GALNTL6: variants seen among roughly 807,000 people sequenced by gnomAD.
GALNTL6 encodes polypeptide N-acetylgalactosaminyltransferase like 6.
A neutral mutation model predicts 73.7 loss-of-function variants in GALNTL6; 46 were observed. The observed-to-expected ratio is 0.62, with a 90% CI of 0.49 to 0.80. The LOEUF is 0.80. GALNTL6 is among the 30% of genes least tolerant of loss of function. GALNTL6 has a pLI of 0.00. For missense variants in GALNTL6, 604 were observed against 755.0 expected (o/e 0.80, Z 2.34); for synonymous variants, 259 against 263.7 (o/e 0.98, Z 0.17).
At chr4:173,026,133 A>G (rs957981847) in intron 12 of GALNTL6, among the ~76,000 whole-genome samples, 8 of 152,244 alleles carry the variant, frequency 5.3e-5, no homozygotes, top group Non-Finnish European at 1.0e-4. Context: ...TTCCCCATAT[A>G]TACAACCTAA....
chr4:172,445,475 CAGAT>C (rs1731985421), intron 5 of GALNTL6, among the ~76,000 whole-genome samples: 1 of 152,088 alleles, frequency 6.6e-6, no homozygotes, highest in Admixed American at 6.6e-5. Context: ...CATTGATAGG[CAGAT>C]AGACAGACAG....
intron 5 of GALNTL6, among the ~76,000 whole-genome samples, chr4:172,535,230 A>T (rs1735306800): frequency 6.6e-6 from 1 of 152,258 alleles, no homozygotes; most frequent in South Asian, 2.1e-4. Flanking sequence ...ACTCAAATTT[A>T]TAAGCTTATG....
At chr4:172,627,567 T>A (rs1169991269) in intron 5 of GALNTL6, among the ~76,000 whole-genome samples, 4 of 151,812 alleles carry the variant, frequency 2.6e-5, no homozygotes, top group Non-Finnish European at 5.9e-5. Context: ...TTCAGTGGAA[T>A]TCGTATCAGC....
At chr4:172,910,376 C>T (rs1429025731) in intron 8 of GALNTL6, among the ~76,000 whole-genome samples, 2 of 152,166 alleles carry the variant, frequency 1.3e-5, no homozygotes, top group Non-Finnish European at 2.9e-5. Flanking sequence ...TAATATAGAA[C>T]AGTTATAACT....
At chr4:172,019,259 A>G (rs1278940787) in intron 2 of GALNTL6, among the ~76,000 whole-genome samples, 1 of 152,074 alleles carries the variant, frequency 6.6e-6, no homozygotes, top group Non-Finnish European at 1.5e-5. Flanking sequence ...CTCCTATCCA[A>G]CATCTTCCTC....
At chr4:172,679,743 C>CT (rs1732524928) in intron 5 of GALNTL6, among the ~76,000 whole-genome samples, 1 of 152,168 alleles carries the variant, frequency 6.6e-6, no homozygotes. Flanking sequence ...AATGGTATAA[C>CT]TAAGTAAAAC....
At chr4:171,982,366 C>T (rs964661582) in intron 2 of GALNTL6, among the ~76,000 whole-genome samples, 4 of 152,088 alleles carry the variant, frequency 2.6e-5, no homozygotes, top group African/African-American at 9.7e-5. Flanking sequence ...GGCGCGATCT[C>T]GGCCCACTGC....
intron 2 of GALNTL6, among the ~76,000 whole-genome samples, chr4:172,209,535 G>A (rs1560970883): frequency 2.6e-5 from 4 of 151,180 alleles, no homozygotes; most frequent in African/African-American, 4.9e-5. Context: ...TTATTGAATC[G>A]TAACAAGTAC....
intron 5 of GALNTL6, among the ~76,000 whole-genome samples, chr4:172,658,736 T>C (rs923256793): frequency 6.6e-6 from 1 of 152,192 alleles, no homozygotes; most frequent in Non-Finnish European, 1.5e-5. Context: ...TTTTGTTTTA[T>C]GTATAAATGA....
At chr4:171,920,129 CA>C (rs201493814) in intron 2 of GALNTL6, among the ~76,000 whole-genome samples, 5,997 of 150,740 alleles carry the variant, frequency 0.04, 343 homozygotes, top group African/African-American at 0.12. Context: ...GTCGCAAGGA[CA>C]AAAAAACCAA....
intron 2 of GALNTL6, among the ~76,000 whole-genome samples, chr4:172,122,404 AGTTTGAAT>A (rs1733176499): frequency 6.6e-6 from 1 of 152,152 alleles, no homozygotes; most frequent in South Asian, 2.1e-4. Context: ...TCTAGTTTGC[AGTTTGAAT>A]GTTTCTGGTT....
At chr4:172,956,136 G>C (rs1435412080) in intron 10 of GALNTL6, among the ~76,000 whole-genome samples, 1 of 151,962 alleles carries the variant, frequency 6.6e-6, no homozygotes, top group South Asian at 2.1e-4. Context: ...AAAATTTTTG[G>C]GGGGTGGTAT....
At chr4:172,733,060 T>A (rs1487679382) in intron 5 of GALNTL6, among the ~76,000 whole-genome samples, 5 of 152,222 alleles carry the variant, frequency 3.3e-5, no homozygotes, top group African/African-American at 9.6e-5. Context: ...TGCACCTTAG[T>A]GCTTTTGTTT....
intron 2 of GALNTL6, among the ~76,000 whole-genome samples, chr4:172,099,473 C>A (rs545261958): frequency 6.6e-6 from 1 of 152,098 alleles, no homozygotes; most frequent in East Asian, 1.9e-4. Context: ...GTCAATGTAG[C>A]CTTTTTTACA....
chr4:172,694,329 G>T (rs1053722543), intron 5 of GALNTL6, among the ~76,000 whole-genome samples: 2 of 151,768 alleles, frequency 1.3e-5, no homozygotes, highest in African/African-American at 4.8e-5. Context: ...AGTGTATGAT[G>T]TTCCCCTCCC....
chr4:172,939,531 G>T (rs754410514), intron 9 of GALNTL6, among the ~76,000 whole-genome samples: 62 of 152,180 alleles, frequency 4.1e-4, no homozygotes, highest in Non-Finnish European at 7.6e-4. Flanking sequence ...GAAGTCTCAG[G>T]CTAGATAAAT....
chr4:171,940,498 T>C (rs1475989774), intron 2 of GALNTL6, among the ~76,000 whole-genome samples: 2 of 152,054 alleles, frequency 1.3e-5, no homozygotes, highest in East Asian at 3.9e-4. Context: ...ACAATATTGC[T>C]CTTGCCTTAG....
At chr4:172,823,623 T>A (rs1742064368) in intron 7 of GALNTL6, among the ~76,000 whole-genome samples, 2 of 152,268 alleles carry the variant, frequency 1.3e-5, no homozygotes, top group South Asian at 4.1e-4. Context: ...CTGTAGGGTG[T>A]GACCCACAGA....
intron 2 of GALNTL6, among the ~76,000 whole-genome samples, chr4:172,088,630 T>C (rs2110936292): frequency 6.6e-6 from 1 of 152,330 alleles, no homozygotes; most frequent in Admixed American, 6.5e-5. Context: ...AAGTCTGGGC[T>C]CTAGGTGTAG....
Sources: allele counts gnomAD v4.1 joint callset (sites outside exome capture counted in the v4.1 genomes callset), GRCh38; gene constraint gnomAD v4.1.1; transcripts MANE v1.5; gene names NCBI Gene and HGNC (gene_info 2026-07-23, HGNC 2026-07-21).